The following ST6GALNAC3 variants were observed in gnomAD, a reference collection of about 807,000 sequenced individuals.
ST6GALNAC3 encodes the protein ST6 N-acetylgalactosaminide alpha-2,6-sialyltransferase 3.
In ST6GALNAC3, 25 loss-of-function variants were observed where a neutral mutation model predicts 32.7. That is an observed-to-expected ratio of 0.76 (90% confidence interval 0.56 to 1.07). The LOEUF (loss-of-function observed/expected upper bound fraction) is 1.07, where lower values mean the gene tolerates loss of function less well. Ranked by LOEUF, ST6GALNAC3 falls within the 50% of genes least tolerant of loss-of-function variation. The pLI is 0.00. For missense variants in ST6GALNAC3, 355 were observed against 382.4 expected, an observed-to-expected ratio of 0.93 and a Z score of 0.60; for synonymous variants, 129 against 133.1, an observed-to-expected ratio of 0.97 and a Z score of 0.21.
chr1:76,329,234 T>A (rs546097437), intron 2 of ST6GALNAC3, among the ~76,000 whole-genome samples: 275 of 152,306 alleles, frequency 1.8e-3, no homozygotes, highest in Middle Eastern at 3.4e-3. Flanking sequence ...GCTTTCTTTT[T>A]TCTTTTGTGC....
At chr1:76,139,355 T>C (rs1332894605) in intron 1 of ST6GALNAC3, among the ~76,000 whole-genome samples, 3 of 152,088 alleles carry the variant, frequency 2.0e-5, no homozygotes, top group Non-Finnish European at 4.4e-5. Context: ...CTTACAAATA[T>C]ACATATAAAC....
At chr1:76,557,521 T>C (rs552301648) in intron 3 of ST6GALNAC3, among the ~76,000 whole-genome samples, 1 of 152,114 alleles carries the variant, frequency 6.6e-6, no homozygotes. Flanking sequence ...TTACCTACCA[T>C]GCATCTAAAT....
intron 3 of ST6GALNAC3, among the ~76,000 whole-genome samples, chr1:76,602,981 G>T (rs1647303343): frequency 6.6e-6 from 1 of 152,118 alleles, no homozygotes; most frequent in South Asian, 2.1e-4. Context: ...CATCTGAAAA[G>T]ATTATCAACC....
At chr1:76,448,016 G>A (rs528548661) in intron 3 of ST6GALNAC3, among the ~76,000 whole-genome samples, 1 of 152,204 alleles carries the variant, frequency 6.6e-6, no homozygotes, top group South Asian at 2.1e-4. Flanking sequence ...TCCACCTACA[G>A]CTTGCACCAT....
chr1:76,327,306 G>GTGTA (rs944887029), intron 2 of ST6GALNAC3, among the ~76,000 whole-genome samples: 2 of 150,088 alleles, frequency 1.3e-5, no homozygotes, highest in Non-Finnish European at 1.5e-5. Flanking sequence ...GTGTGTGTGT[G>GTGTA]TGTGTGTGTA....
intron 1 of ST6GALNAC3, among the ~76,000 whole-genome samples, chr1:76,270,056 C>A (rs926421101): frequency 1.4e-4 from 21 of 152,046 alleles, no homozygotes; most frequent in Admixed American, 1.3e-4. Flanking sequence ...ATCCATACCC[C>A]CCAAATAGTG....
chr1:76,387,563 A>G (rs1004014974), intron 2 of ST6GALNAC3, among the ~76,000 whole-genome samples: 2 of 152,228 alleles, frequency 1.3e-5, no homozygotes, highest in East Asian at 3.9e-4. Flanking sequence ...GCTCCTCAGT[A>G]GAGTTTTCTG....
intron 3 of ST6GALNAC3, among the ~76,000 whole-genome samples, chr1:76,428,776 T>A (rs531716843): frequency 3.3e-5 from 5 of 152,306 alleles, no homozygotes; most frequent in Non-Finnish European, 7.4e-5. Context: ...TATCTTTACA[T>A]AATGCTAATA....
chr1:76,233,129 C>A (rs1656462636), intron 1 of ST6GALNAC3, among the ~76,000 whole-genome samples: 1 of 152,198 alleles, frequency 6.6e-6, no homozygotes, highest in African/African-American at 2.4e-5. Flanking sequence ...CCCATTCTTC[C>A]TCATTACTTC....
chr1:76,188,458 C>G (rs1052650329), intron 1 of ST6GALNAC3, among the ~76,000 whole-genome samples: 1 of 152,116 alleles, frequency 6.6e-6, no homozygotes, highest in African/African-American at 2.4e-5. Context: ...TACTATTGGA[C>G]TGGTGATGTT....
At chr1:76,443,034 A>G (rs1280769919) in intron 3 of ST6GALNAC3, among the ~76,000 whole-genome samples, 1 of 152,170 alleles carries the variant, frequency 6.6e-6, no homozygotes, top group Non-Finnish European at 1.5e-5. Context: ...CACAATTATT[A>G]TTCTTCAAGA....
chr1:76,385,477 C>G (rs561814522), intron 2 of ST6GALNAC3, among the ~76,000 whole-genome samples: 1 of 152,224 alleles, frequency 6.6e-6, no homozygotes, highest in South Asian at 2.1e-4. Flanking sequence ...CTTAAACTCT[C>G]TGCATCTCAG....
chr1:76,434,779 T>C (rs1394199485), intron 3 of ST6GALNAC3, among the ~76,000 whole-genome samples: 2 of 147,228 alleles, frequency 1.4e-5, no homozygotes, highest in African/African-American at 5.0e-5. Flanking sequence ...CCTTTTTTTT[T>C]CTCTGTTTTT....
intron 1 of ST6GALNAC3, among the ~76,000 whole-genome samples, chr1:76,264,104 A>G (rs543091862): frequency 6.6e-6 from 1 of 152,330 alleles, no homozygotes; most frequent in East Asian, 1.9e-4. Flanking sequence ...GGAAGGAGCC[A>G]TGGAGATTAC....
At chr1:76,252,506 G>T (rs1241931515) in intron 1 of ST6GALNAC3, among the ~76,000 whole-genome samples, 1 of 151,968 alleles carries the variant, frequency 6.6e-6, no homozygotes, top group Non-Finnish European at 1.5e-5. Context: ...AAATACAGAT[G>T]ATATTTCTAT....
chr1:76,359,113 G>A (rs1366300867), intron 2 of ST6GALNAC3, among the ~76,000 whole-genome samples: 1 of 152,186 alleles, frequency 6.6e-6, no homozygotes, highest in Non-Finnish European at 1.5e-5. Context: ...CTAGGGACCA[G>A]AATATGAAGC....
chr1:76,465,990 G>A (rs1196988491), intron 3 of ST6GALNAC3, among the ~76,000 whole-genome samples: 1 of 152,012 alleles, frequency 6.6e-6, no homozygotes, highest in Non-Finnish European at 1.5e-5. Context: ...TGAAAAATCA[G>A]CATTCTACAA....
intron 2 of ST6GALNAC3, among the ~76,000 whole-genome samples, chr1:76,330,141 A>G (rs569180892): frequency 6.6e-6 from 1 of 150,504 alleles, no homozygotes; most frequent in East Asian, 2.0e-4. Context: ...ACAAATAAAC[A>G]CAGGAGGGTT....
intron 3 of ST6GALNAC3, among the ~76,000 whole-genome samples, chr1:76,521,527 A>C (rs1474728938): frequency 6.6e-6 from 1 of 151,844 alleles, no homozygotes; most frequent in Non-Finnish European, 1.5e-5. Flanking sequence ...GCTTATATTC[A>C]CTTATGTTTA....
Sources: allele counts gnomAD v4.1 joint callset (sites outside exome capture counted in the v4.1 genomes callset), GRCh38; gene constraint gnomAD v4.1.1; transcripts MANE v1.5; gene names NCBI Gene and HGNC (gene_info 2026-07-23, HGNC 2026-07-21).